GPR61: variants seen among roughly 807,000 people sequenced by gnomAD.
GPR61 encodes the protein G protein-coupled receptor 61, also known as G-protein coupled receptor 61.
A neutral mutation model predicts 29.2 loss-of-function variants in GPR61; 15 were observed. The ratio of observed to expected loss-of-function variants is 0.51; its 90% CI spans 0.34 to 0.79. The LOEUF (loss-of-function observed/expected upper bound fraction) is 0.79. Among genes scored for constraint, GPR61 ranks in the 30% least tolerant of loss-of-function variants. The pLI, the probability that GPR61 is intolerant of heterozygous loss-of-function variation, is 0.01. For synonymous variants in GPR61, 238 were observed against 242.3 expected (o/e 0.98, Z 0.17); for missense variants, 399 against 582.5 (o/e 0.69, Z 3.24).
Position 109,544,163 on chromosome 1 carries a change from T to G in GPR61, c.1141T>G (p.Phe381Val). 1 of 1,614,074 alleles carries G rather than the reference T, an allele frequency of 6.2e-7. No individual in the cohort carries two copies. Residue 381 changes from phenylalanine (F) to valine (V), a missense_variant, in exon 2 of 2, where the codon TTC becomes GTC. Physicochemically the swap from Phe to Val is conservative, Grantham distance 50. This residue lies in a region of GPR61 where 320 missense variants were observed against 459.8 expected (regional missense o/e 0.70). Coordinates refer to ENST00000527748, the MANE Select transcript of GPR61 (RefSeq NM_001393907.1). This position sits in a 1 kb window ranked among gnomAD's most constrained non-coding sequence, Gnocchi z 4.6. ...CCGGGAGGGCTCCATTGAGGAGAAC[T>G]TCCTGCAGTTCCTTCAGGGGACTGG... ...PSREGSIEEN[F>V]LQFLQGTGCP...
Position 109,543,706 on chromosome 1 carries a change from C to T in GPR61, c.684C>T (p.Tyr228=), listed in dbSNP as rs1403990536. Residue 228 remains tyrosine, a synonymous_variant, in exon 2 of 2, where the codon TAC becomes TAT. Coordinates refer to ENST00000527748, the MANE Select transcript of GPR61 (RefSeq NM_001393907.1). The surrounding 1 kb of genome is among the most constrained non-coding windows in gnomAD (Gnocchi z 6.8). ...CCCTGCTCCTCATACTTGTGGTCTA[C>T]TGCAGCATGTTCCGAGTGGCCCGCG... ...LLPLLLILVV[Y]CSMFRVARVA... is the part of the protein sequence containing the mutation. 6.2e-7 allele frequency: 1 copy of T among 1,613,564 alleles called. No homozygotes were observed. The highest frequency in any genetic ancestry group is 8.5e-7 in the Non-Finnish European group (1 of 1,180,050).
chr1:109,543,152 G>C lies in GPR61; in HGVS notation c.130G>C (p.Val44Leu). The change falls in exon 2 of 2, where the codon GTG (valine) becomes CTG (leucine). Residue 44 changes from valine (V) to leucine (L), a missense_variant. Transcript: ENST00000527748. This position sits in a 1 kb window ranked among gnomAD's most constrained non-coding sequence, Gnocchi z 6.8. ...GCTACGGGATGTTGCTTCGGAATCT[G>C]TGGCCCTCTTCTTCATGCTCCTGCT... The part of the protein sequence containing the change: ...VGLRDVASES[V>L]ALFFMLLLDL... 1 of 1,610,270 alleles carries C rather than the reference G, an allele frequency of 6.2e-7. No individual in the cohort carries two copies. The highest frequency in any genetic ancestry group is 8.5e-7 in the Non-Finnish European group (1 of 1,177,650).
In GPR61 at chr1:109,544,590, G is replaced by A. The variant is rs1295544638; in HGVS notation, c.*212G>A. 3 of 554,102 alleles carry A rather than the reference G, an allele frequency of 5.4e-6. No homozygotes were observed. Among genetic ancestry groups the A allele is most frequent in the Non-Finnish European group, 9.8e-6 (3 of 304,580 alleles). The allele number at this position is 554,102 out of a possible 1,614,324, so 34.3% of individuals were successfully genotyped here. On this transcript the variant is annotated 3_prime_UTR_variant, in exon 2 of 2. Coordinates refer to ENST00000527748, the MANE Select transcript of GPR61 (RefSeq NM_001393907.1). The surrounding 1 kb of genome is among the most constrained non-coding windows in gnomAD (Gnocchi z 4.6). ...TGGCTGTGATCTTTGACTGCTAGGG[G>A]AGGGAACCTGGGTATGGTGAGACGG...
chr1:109,541,687 C>G, intron 1 of GPR61, among the ~76,000 whole-genome samples: 1 of 152,200 alleles, frequency 6.6e-6, no homozygotes, highest in Non-Finnish European at 1.5e-5. Context: ...CAAGGGTCAG[C>G]TCCAGAGATC....
At position 109,544,713 on chromosome 1, in the gene GPR61, G is replaced by T; in HGVS notation, c.*335G>T. 3.2e-6 allele frequency: 1 copy of T among 312,086 alleles called. No homozygotes were observed. The allele number at this position is 312,086 out of a possible 1,614,324, so 19.3% of individuals were successfully genotyped here. On this transcript the variant is annotated 3_prime_UTR_variant, in exon 2 of 2. Transcript: ENST00000527748. The surrounding 1 kb of genome is among the most constrained non-coding windows in gnomAD (Gnocchi z 4.6). The stretch of plus-strand genomic sequence containing the variant: ...GGGAATTCTCTAAGGGTAGGAGTTG[G>T]AGGATACAGGGCAGCAGGCCAGGTT...
intron 1 of GPR61, among the ~76,000 whole-genome samples, chr1:109,540,412 A>G (rs1647597525): frequency 6.6e-6 from 1 of 152,180 alleles, no homozygotes; most frequent in Admixed American, 6.5e-5. Context: ...TTTGGGATGG[A>G]AGCTCTGGAT....
At position 109,544,452 on chromosome 1, in the gene GPR61, C is replaced by A; in HGVS notation, c.*74C>A. The A allele has an allele frequency of 1.8e-6, 2 of 1,136,986 alleles. No individual in the cohort carries two copies. The highest frequency in any genetic ancestry group is 4.8e-5 in the East Asian group (2 of 41,392). The allele number at this position is 1,136,986 out of a possible 1,614,324, so 70.4% of individuals were successfully genotyped here. A position where few individuals can be genotyped will look rare whatever the true frequency, so the allele number is the denominator to read the frequency against. On this transcript the variant is annotated 3_prime_UTR_variant, in exon 2 of 2. Transcript: ENST00000527748. The surrounding 1 kb of genome is among the most constrained non-coding windows in gnomAD (Gnocchi z 4.6). ...TGCAAGGACCACCTTGTGGGATCACCTTTTCCCAGCTGGCTAGGGCTGAGG... is the reference window on the plus strand; with the variant it reads ...TGCAAGGACCACCTTGTGGGATCACATTTTCCCAGCTGGCTAGGGCTGAGG...
Position 109,543,030 on chromosome 1 carries a change from C to G in GPR61, c.8C>G (p.Ser3Cys). The G allele has an allele frequency of 6.5e-7, 1 of 1,547,408 alleles. No individual in the cohort carries two copies. Among genetic ancestry groups the G allele is most frequent in the Non-Finnish European group, 8.7e-7 (1 of 1,145,546 alleles). ...GTGCCCTCTTTCGGCCCCATGGAGT[C>G]CTCACCCATCCCCCAGTCATCAGGG... is the stretch of plus-strand genomic sequence containing the variant. The part of the protein sequence containing the change: ME[S>C]SPIPQSSGNS... The change falls in exon 2 of 2, where the codon TCC becomes TGC. Residue 3 changes from serine to cysteine, a missense_variant. This residue lies in a region of GPR61 where 78 missense variants were observed against 101.0 expected (regional missense o/e 0.77). Coordinates refer to ENST00000527748, the MANE Select transcript of GPR61 (RefSeq NM_001393907.1). The surrounding 1 kb of genome is among the most constrained non-coding windows in gnomAD (Gnocchi z 6.8).
intron 1 of GPR61, among the ~76,000 whole-genome samples, chr1:109,541,312 A>G (rs1437039743): frequency 6.6e-6 from 1 of 152,202 alleles, no homozygotes; most frequent in African/African-American, 2.4e-5. Flanking sequence ...CCTTTCCACA[A>G]GAGAGTCCCT....
At position 109,544,135 on chromosome 1, in the gene GPR61, T is replaced by C. The variant is rs781585435; in HGVS notation, c.1113T>C (p.Pro371=). ...CTCCAGAGGAGGAGCTGAGGCTGCC[T>C]AGCCGGGAGGGCTCCATTGAGGAGA... is the stretch of plus-strand genomic sequence containing the variant. ...KPAPEEELRL[P]SREGSIEENF... The change falls in exon 2 of 2, where the codon CCT becomes CCC. Residue 371 remains proline, a synonymous_variant. Coordinates refer to ENST00000527748, the MANE Select transcript of GPR61 (RefSeq NM_001393907.1). This position sits in a 1 kb window ranked among gnomAD's most constrained non-coding sequence, Gnocchi z 4.6. 4.2e-5 allele frequency: 67 copies of C among 1,614,034 alleles called. No homozygotes were observed. The Admixed American group carries it at 1.1e-3, about 27-fold the overall frequency.
chr1:109,546,042 T>G lies in GPR61; in HGVS notation c.*1664T>G, dbSNP rs1373556027. 6.6e-6 allele frequency: 1 copy of G among 152,224 alleles called. No homozygotes were observed. 9.4% of individuals were successfully genotyped at this position (152,224 alleles called of 1,614,324 possible). On this transcript the variant is annotated 3_prime_UTR_variant, in exon 2 of 2. Coordinates refer to ENST00000527748, the MANE Select transcript of GPR61 (RefSeq NM_001393907.1). ...CTTGAGAAATATATTGGAGAATATG[T>G]CCATGGCTCTAACTTCTGAGAGTTC...
rs766645042 is a variant in GPR61, at chr1:109,544,430, A to T, written c.*52A>T. The T allele has an allele frequency of 2.9e-6, 4 of 1,356,484 alleles. No individual in the cohort carries two copies. The highest frequency in any genetic ancestry group is 4.1e-6 in the Non-Finnish European group (4 of 965,776). 84.0% of individuals were successfully genotyped at this position (1,356,484 alleles called of 1,614,324 possible). A position where few individuals can be genotyped will look rare whatever the true frequency, so the allele number is the denominator to read the frequency against. On this transcript the variant is annotated 3_prime_UTR_variant, in exon 2 of 2. Coordinates refer to ENST00000527748, the MANE Select transcript of GPR61 (RefSeq NM_001393907.1). The surrounding 1 kb of genome is among the most constrained non-coding windows in gnomAD (Gnocchi z 4.6). The stretch of plus-strand genomic sequence containing the variant: ...TGGGGCTGGGGCCAGTTATGATTGC[A>T]AGGACCACCTTGTGGGATCACCTTT...
intron 1 of GPR61, among the ~76,000 whole-genome samples, chr1:109,540,326 G>T (rs991286850): frequency 3.9e-5 from 6 of 152,232 alleles, no homozygotes; most frequent in African/African-American, 1.2e-4. Context: ...CTGAGGAGAG[G>T]TGTTGTAGCT....
Position 109,546,213 on chromosome 1 carries a change from G to A in GPR61, c.*1835G>A, listed in dbSNP as rs569259146. On this transcript the variant is annotated 3_prime_UTR_variant, in exon 2 of 2. Coordinates refer to ENST00000527748, the MANE Select transcript of GPR61 (RefSeq NM_001393907.1). ...CCCCTTTGTTCTAGGAAAATTTCTA[G>A]GTTGTCTTCCTACCACTAGATTATT... 6.6e-6 allele frequency: 1 copy of A among 152,110 alleles called. No homozygotes were observed. Among genetic ancestry groups the A allele is most frequent in the African/African-American group, 2.4e-5 (1 of 41,396 alleles). The allele number at this position is 152,110 out of a possible 1,614,324, so 9.4% of individuals were successfully genotyped here.
In GPR61 at chr1:109,544,075, G is replaced by A; in HGVS notation, c.1053G>A (p.Glu351=). The A allele has an allele frequency of 4.3e-6, 7 of 1,614,188 alleles. No individual in the cohort carries two copies. The highest frequency in any genetic ancestry group is 5.1e-6 in the Non-Finnish European group (6 of 1,180,038). Reference sequence around the variant, plus strand: ...GTCTCAACCGGCAGATCCGGGGGGAGCTCAGCAAGCAGTTTGTCTGCTTCT... The same window carrying A: ...GTCTCAACCGGCAGATCCGGGGGGAACTCAGCAAGCAGTTTGTCTGCTTCT... The part of the protein sequence containing the change: ...YGCLNRQIRG[E]LSKQFVCFFK... The change falls in exon 2 of 2, where the codon GAG becomes GAA. Residue 351 remains glutamate, a synonymous_variant. Coordinates refer to ENST00000527748, the MANE Select transcript of GPR61 (RefSeq NM_001393907.1). This position sits in a 1 kb window ranked among gnomAD's most constrained non-coding sequence, Gnocchi z 4.6.
chr1:109,544,650 A>C lies in GPR61; in HGVS notation c.*272A>C. The C allele has an allele frequency of 2.3e-6, 1 of 434,252 alleles. No individual in the cohort carries two copies. Among genetic ancestry groups the C allele is most frequent in the Non-Finnish European group, 4.3e-6 (1 of 234,598 alleles). 26.9% of individuals were successfully genotyped at this position (434,252 alleles called of 1,614,324 possible). A position where few individuals can be genotyped will look rare whatever the true frequency, so the allele number is the denominator to read the frequency against. ...AAAAGGGTCACAAAGGTGAGGTGAA[A>C]CCTCTCAATTGGTGAAATTTCCATG... is the stretch of plus-strand genomic sequence containing the variant. On this transcript the variant is annotated 3_prime_UTR_variant, in exon 2 of 2. Coordinates refer to ENST00000527748, the MANE Select transcript of GPR61 (RefSeq NM_001393907.1). The surrounding 1 kb of genome is among the most constrained non-coding windows in gnomAD (Gnocchi z 4.6).
Position 109,544,082 on chromosome 1 carries a change from A to G in GPR61, c.1060A>G (p.Lys354Glu), listed in dbSNP as rs1275661888. Residue 354 changes from lysine (K) to glutamate (E), a missense_variant, in exon 2 of 2, where the codon AAG becomes GAG. Physicochemically the swap from Lys to Glu is moderately conservative, Grantham distance 56 (BLOSUM62 1). This residue lies in a region of GPR61 where 320 missense variants were observed against 459.8 expected (regional missense o/e 0.70). Coordinates refer to ENST00000527748, the MANE Select transcript of GPR61 (RefSeq NM_001393907.1). The surrounding 1 kb of genome is among the most constrained non-coding windows in gnomAD (Gnocchi z 4.6). Reference sequence around the variant, plus strand: ...CCGGCAGATCCGGGGGGAGCTCAGCAAGCAGTTTGTCTGCTTCTTCAAGCC... The same window carrying G: ...CCGGCAGATCCGGGGGGAGCTCAGCGAGCAGTTTGTCTGCTTCTTCAAGCC... ...LNRQIRGELS[K>E]QFVCFFKPAP... 2 of 1,614,056 alleles carry G rather than the reference A, an allele frequency of 1.2e-6. No homozygotes were observed. The highest frequency in any genetic ancestry group is 2.7e-5 in the African/African-American group (2 of 74,922).
Position 109,544,559 on chromosome 1 carries a change from T to C in GPR61, c.*181T>C. ...ACAGGATGAACGTGTGCAAAAGCCT[T>C]GGACTTGGCTGTGATCTTTGACTGC... On this transcript the variant is annotated 3_prime_UTR_variant, in exon 2 of 2. Transcript: ENST00000527748. This position sits in a 1 kb window ranked among gnomAD's most constrained non-coding sequence, Gnocchi z 4.6. 1.7e-6 allele frequency: 1 copy of C among 579,214 alleles called. No homozygotes were observed. The highest frequency in any genetic ancestry group is 3.1e-6 in the Non-Finnish European group (1 of 319,676). The allele number at this position is 579,214 out of a possible 1,614,324, so 35.9% of individuals were successfully genotyped here. A position where few individuals can be genotyped will look rare whatever the true frequency, so the allele number is the denominator to read the frequency against.
intron 1 of GPR61, among the ~76,000 whole-genome samples, chr1:109,540,800 A>G (rs547766764): frequency 6.6e-6 from 1 of 152,346 alleles, no homozygotes; most frequent in African/African-American, 2.4e-5. Flanking sequence ...GAATCCTGGC[A>G]TTTAGGAGTC....
Sources: gnomAD v4.1 joint callset for allele counts (sites outside exome capture counted in the v4.1 genomes callset) on GRCh38, gnomAD v4.1.1 for gene constraint, gnomAD v4.1.1 regional missense constraint, Gnocchi (gnomAD v3.1) non-coding constraint, MANE v1.5 for transcripts, NCBI Gene and HGNC (gene_info 2026-07-23, HGNC 2026-07-21) for gene names.